The following PIK3C2G variants were observed in gnomAD, a reference collection of about 807,000 sequenced individuals.
PIK3C2G encodes phosphatidylinositol-4-phosphate 3-kinase catalytic subunit type 2 gamma, also known as phosphatidylinositol 3-kinase C2 domain-containing subunit gamma.
In PIK3C2G, 168 loss-of-function variants were observed where a neutral mutation model predicts 181.1. That is an observed-to-expected ratio of 0.93 (90% CI 0.82 to 1.05). The LOEUF (loss-of-function observed/expected upper bound fraction) is 1.05. PIK3C2G is among the 50% of genes least tolerant of loss of function. The pLI, the probability that PIK3C2G is intolerant of heterozygous loss-of-function variation, is 0.00. For synonymous variants in PIK3C2G, 573 were observed against 592.2 expected, an observed-to-expected ratio of 0.97 and a Z score of 0.47; for missense variants, 1,869 against 1,732.8, an observed-to-expected ratio of 1.08 and a Z score of -1.40.
In PIK3C2G at chr12:18,386,174, C is replaced by G. The variant is rs182127554; in HGVS notation, c.1995+4294C>G. 5.9e-5 allele frequency among the ~76,000 whole-genome samples: 9 copies of G among 152,272 alleles called. No individual in the cohort carries two copies. The East Asian group carries it at 1.7e-3, about 29-fold the overall frequency. Reference sequence around the variant, plus strand: ...TCATCCTTTGTCTCCTTCCCAGGCTCTCACCAAAGACAATTCTCAAAGGTT... The same window carrying G: ...TCATCCTTTGTCTCCTTCCCAGGCTGTCACCAAAGACAATTCTCAAAGGTT... On this transcript the variant is annotated intron_variant, in intron 14 of 32. Coordinates refer to ENST00000538779, the MANE Select transcript of PIK3C2G (RefSeq NM_001288772.2).
At chr12:18,564,046 T>G (rs1945488161) in intron 28 of PIK3C2G, among the ~76,000 whole-genome samples, 1 of 151,736 alleles carries the variant, frequency 6.6e-6, no homozygotes, top group Non-Finnish European at 1.5e-5. Flanking sequence ...TTTGTGCCAT[T>G]GATTTTTAAC....
chr12:18,302,993 C>T (rs1950238435), intron 5 of PIK3C2G, among the ~76,000 whole-genome samples: 2 of 151,892 alleles, frequency 1.3e-5, no homozygotes, highest in Non-Finnish European at 1.5e-5. Context: ...GCAGTGCAAA[C>T]CAGAGCAGGC....
chr12:18,613,597 A>G (rs1252050822), intron 31 of PIK3C2G, among the ~76,000 whole-genome samples: 1 of 151,876 alleles, frequency 6.6e-6, no homozygotes, highest in African/African-American at 2.4e-5. Flanking sequence ...ACTCCTAGTA[A>G]TTTTGATTCT....
At chr12:18,559,811 TATATATATATAGAGAGAGAGAGAGAG>T (rs1446196160) in intron 26 of PIK3C2G, among the ~76,000 whole-genome samples, 89 of 32,518 alleles carry the variant, frequency 2.7e-3, no homozygotes, top group South Asian at 0.019. Context: ...TATATATATA[TATATATATATAGAGAGAGAGAGAGAG>T]AGAGAGAGAG....
At chr12:18,501,838 G>A (rs1029796872) in intron 22 of PIK3C2G, among the ~76,000 whole-genome samples, 1 of 152,178 alleles carries the variant, frequency 6.6e-6, no homozygotes, top group Non-Finnish European at 1.5e-5. Flanking sequence ...CATTGCTGCA[G>A]CAAAGTATCC....
At chr12:18,281,934 C>A in intron 1 of PIK3C2G, 70 bp from the exon 2 acceptor site, 1 of 605,868 alleles carries the variant, frequency 1.7e-6, no homozygotes, top group Non-Finnish European at 3.0e-6. Context: ...AGTTATTTAT[C>A]CTATATCTGT....
the PIK3C2G span, among the ~76,000 whole-genome samples, chr12:18,668,490 C>T: frequency 6.0e-4 from 92 of 152,294 alleles, no homozygotes; most frequent in Admixed American, 2.8e-3. Context: ...GGACCACTAA[C>T]CTGCCTGCCG....
intron 24 of PIK3C2G, among the ~76,000 whole-genome samples, chr12:18,533,886 A>G (rs908589552): frequency 6.6e-6 from 1 of 150,868 alleles, no homozygotes; most frequent in African/African-American, 2.4e-5. Context: ...CAGTATGGCT[A>G]GAAGGAAAAC....
At chr12:18,615,330 GGTGTGTGTGTGTGTGTGTGTGTGTGTGT>G (rs3055216) in intron 31 of PIK3C2G, among the ~76,000 whole-genome samples, 2 of 138,140 alleles carry the variant, frequency 1.4e-5, no homozygotes, top group Non-Finnish European at 3.1e-5. Context: ...AGTATTCCAC[GGTGTGTGTGTGTGTGTGTGTGTGTGTGT>G]GTGTGTGTGT....
chr12:18,521,670 C>T (rs939007236), intron 24 of PIK3C2G, among the ~76,000 whole-genome samples: 1 of 152,208 alleles, frequency 6.6e-6, no homozygotes, highest in Admixed American at 6.5e-5. Context: ...GGCTGCCGCC[C>T]ATCCCCCGCC....
intron 26 of PIK3C2G, among the ~76,000 whole-genome samples, chr12:18,548,451 C>A (rs1483214352): frequency 6.6e-6 from 1 of 151,996 alleles, no homozygotes; most frequent in African/African-American, 2.4e-5. Flanking sequence ...AGGCTTTATT[C>A]ATCTGCCAGA....
At chr12:18,443,278 A>T (rs756683611) in intron 18 of PIK3C2G, among the ~76,000 whole-genome samples, 21 of 152,270 alleles carry the variant, frequency 1.4e-4, no homozygotes, top group South Asian at 8.3e-4. Flanking sequence ...TACTCTGTAC[A>T]TGGTGCTGTC....
chr12:18,698,469 A>G, the PIK3C2G span, among the ~76,000 whole-genome samples: 2 of 152,162 alleles, frequency 1.3e-5, no homozygotes, highest in African/African-American at 4.8e-5. Context: ...AATATGAACT[A>G]AAGTATACTT....
chr12:18,681,724 G>A, the PIK3C2G span, among the ~76,000 whole-genome samples: 1 of 151,968 alleles, frequency 6.6e-6, no homozygotes. Context: ...ATTTCAAAAT[G>A]AACAATTTGG....
the PIK3C2G span, among the ~76,000 whole-genome samples, chr12:18,664,951 G>T: frequency 7.2e-6 from 1 of 138,202 alleles, no homozygotes. Flanking sequence ...GGTGGGAATT[G>T]AACAATGAGG....
At chr12:18,355,892 A>C (rs1940682540) in intron 11 of PIK3C2G, among the ~76,000 whole-genome samples, 1 of 152,232 alleles carries the variant, frequency 6.6e-6, no homozygotes, top group African/African-American at 2.4e-5. Flanking sequence ...ACATTATAAA[A>C]GAAGAGCCAG....
At chr12:18,637,164 T>G (rs1949639658) in intron 31 of PIK3C2G, among the ~76,000 whole-genome samples, 1 of 152,166 alleles carries the variant, frequency 6.6e-6, no homozygotes, top group Non-Finnish European at 1.5e-5. Flanking sequence ...AAGATCTGAT[T>G]ATATCCTTTC....
chr12:18,615,330 GGTGTGT>G (rs3055216), intron 31 of PIK3C2G, among the ~76,000 whole-genome samples: 8,319 of 138,072 alleles, frequency 0.06, 521 homozygotes, highest in African/African-American at 0.17. Flanking sequence ...AGTATTCCAC[GGTGTGT>G]GTGTGTGTGT....
At chr12:18,561,242 C>T (rs888952743) in intron 26 of PIK3C2G, among the ~76,000 whole-genome samples, 10 of 152,152 alleles carry the variant, frequency 6.6e-5, no homozygotes, top group Non-Finnish European at 1.3e-4. Context: ...GTTTAGTATA[C>T]ATACTATATG....
Sources: allele counts gnomAD v4.1 joint callset (sites outside exome capture counted in the v4.1 genomes callset), GRCh38; gene constraint gnomAD v4.1.1; transcripts MANE v1.5; gene names NCBI Gene and HGNC (gene_info 2026-07-23, HGNC 2026-07-21).